The following ORC1 variants were observed in gnomAD, a reference collection of about 807,000 sequenced individuals.
The protein encoded by ORC1 is origin recognition complex subunit 1.
In ORC1, 61 loss-of-function variants were observed where a neutral mutation model predicts 98.9. The observed-to-expected ratio is 0.62, with a 90% CI of 0.50 to 0.76. ORC1 has a LOEUF of 0.76. Among genes scored for constraint, ORC1 ranks in the 30% least tolerant of loss-of-function variants. ORC1 has a pLI of 0.00. For synonymous variants in ORC1, 385 were observed against 406.9 expected (o/e 0.95, Z 0.65); for missense variants, 979 against 1,072.2 (o/e 0.91, Z 1.21).
intron 1 of ORC1, among the ~76,000 whole-genome samples, chr1:52,402,857 A>G (rs1340257679): frequency 6.6e-6 from 1 of 152,182 alleles, no homozygotes; most frequent in Non-Finnish European, 1.5e-5. Context: ...AGATCGCAAC[A>G]CTGCACTCTA....
chr1:52,392,279 A>G (rs1254004856), intron 6 of ORC1, among the ~76,000 whole-genome samples: 1 of 151,962 alleles, frequency 6.6e-6, no homozygotes. Flanking sequence ...ACAGGCGCCC[A>G]CCACCAAGCC....
At chr1:52,374,733 A>G in intron 16 of ORC1, 77 bp downstream of exon 16, 1 of 949,284 alleles carries the variant, frequency 1.1e-6, no homozygotes, top group Non-Finnish European at 1.7e-6. Context: ...AGAGTGTCAC[A>G]CATTCATGGA....
rs1361308491 is a variant in ORC1 at position 52,378,489 on chromosome 1, G to A, written c.2134-2890C>T. Among the ~76,000 whole-genome samples, 6 of 151,580 alleles carry A rather than the reference G, an allele frequency of 4.0e-5. 1 individual carries two copies. Among genetic ancestry groups the A allele is most frequent in the Middle Eastern group, 6.9e-3 (2 of 290 alleles). ...AGCCTGGACAACATGGTAAAACTCC[G>A]CCTCTACTAAAAATACAAAACTTAG... On this transcript the variant is annotated intron_variant, in intron 14 of 16. Coordinates refer to ENST00000371568, the MANE Select transcript of ORC1 (RefSeq NM_004153.4).
chr1:52,384,605 T>G lies in ORC1; in HGVS notation c.1700A>C (p.Glu567Ala), dbSNP rs1327458814. The G allele has an allele frequency of 6.2e-7, 1 of 1,614,136 alleles. No homozygotes were observed. The stretch of plus-strand genomic sequence containing the variant: ...CTCCGTCAGCTTCATGCCATTGACC[T>G]CAATGTATTGAAAGGGAGGAACATC... The part of the protein sequence containing the change: ...ANDVPPFQYI[E>A]VNGMKLTEPH... Residue 567 changes from glutamate to alanine, a missense_variant, in exon 11 of 17, where the codon GAG (glutamate) becomes GCG (alanine). Physicochemically the swap from Glu to Ala is moderately radical, Grantham distance 107. Coordinates refer to ENST00000371568, the MANE Select transcript of ORC1 (RefSeq NM_004153.4).
intron 1 of ORC1, among the ~76,000 whole-genome samples, chr1:52,403,711 G>T (rs1647843723): frequency 6.6e-6 from 1 of 152,136 alleles, no homozygotes; most frequent in African/African-American, 2.4e-5. Flanking sequence ...CTTCTCTTCT[G>T]AAAAGAAGGT....
At position 52,394,997 on chromosome 1, in the gene ORC1, G is replaced by A. The variant is rs376877177; in HGVS notation, c.721+1049C>T. ...ATATTACAGATTAGTTAATATTTGT[G>A]CTGCATTTTCTAAATGTTTTATACA... is the stretch of plus-strand genomic sequence containing the variant. On this transcript the variant is annotated intron_variant, in intron 5 of 16. Coordinates refer to ENST00000371568, the MANE Select transcript of ORC1 (RefSeq NM_004153.4). Among the ~76,000 whole-genome samples, 16 of 152,232 alleles carry A rather than the reference G, an allele frequency of 1.1e-4. No individual in the cohort carries two copies. The East Asian group carries it at 3.1e-3, about 29-fold the overall frequency.
chr1:52,403,993 C>T (rs1275929259), intron 1 of ORC1, among the ~76,000 whole-genome samples: 1 of 152,192 alleles, frequency 6.6e-6, no homozygotes, highest in East Asian at 1.9e-4. Flanking sequence ...AATGCTCCTG[C>T]TTCTAGGCTG....
At chr1:52,377,703 C>CAAAAAAAAAAAAAAA (rs58266239) in intron 14 of ORC1, among the ~76,000 whole-genome samples, 2 of 58,774 alleles carry the variant, frequency 3.4e-5, no homozygotes, top group African/African-American at 5.4e-5. Context: ...CCCCTAGAAG[C>CAAAAAAAAAAAAAAA]AAAAAAAAAA....
In ORC1 at chr1:52,373,317, G is replaced by A. The variant is rs533419157; in HGVS notation, c.2450C>T (p.Ser817Leu). Residue 817 changes from serine to leucine, a missense_variant, in exon 17 of 17, where the codon TCA (serine) becomes TTA (leucine). Transcript: ENST00000371568. ...RMEGLPYPTM[S>L]ETMAVCSHLG... is the part of the protein sequence containing the mutation. The stretch of plus-strand genomic sequence containing the variant: ...GTGAGAACACACGGCCATGGTCTCT[G>A]ACATGGTGGGGTACGGCAGTCCCTC... The A allele has an allele frequency of 6.2e-7, 1 of 1,614,152 alleles. No homozygotes were observed. Among genetic ancestry groups the A allele is most frequent in the Admixed American group, 1.7e-5 (1 of 60,028 alleles).
chr1:52,385,177 G>C lies in ORC1; in HGVS notation c.1567C>G (p.Leu523Val). The change falls in exon 10 of 17, where the codon CTT (leucine) becomes GTT (valine). Residue 523 changes from leucine to valine, a missense_variant. Leu to Val is a conservative substitution (Grantham distance 32). Coordinates refer to ENST00000371568, the MANE Select transcript of ORC1 (RefSeq NM_004153.4). Reference sequence around the variant, plus strand: ...ATGACTCACCCTCCGGTATGGTCAAGGAGTTTGCTTTCCACAAAATTGTAG... The same window carrying C: ...ATGACTCACCCTCCGGTATGGTCAACGAGTTTGCTTTCCACAAAATTGTAG... ...DIYNFVESKL[L>V]DHTGGCMYIS... 6.2e-7 allele frequency: 1 copy of C among 1,612,092 alleles called. No homozygotes were observed. Among genetic ancestry groups the C allele is most frequent in the Non-Finnish European group, 8.5e-7 (1 of 1,178,180 alleles).
Position 52,375,580 on chromosome 1 carries a change from T to C in ORC1, c.2153A>G (p.Asp718Gly). The change falls in exon 15 of 17, where the codon GAT becomes GGT. Residue 718 changes from aspartate to glycine, a missense_variant. Coordinates refer to ENST00000371568, the MANE Select transcript of ORC1 (RefSeq NM_004153.4). ...VARKVAALSG[D>G]ARRCLDICRR... ...GCAGATGTCCAGGCACCGTCGTGCA[T>C]CTCCAGACAGTGCTGCTACCTACAA... 1.2e-6 allele frequency: 2 copies of C among 1,613,984 alleles called. No individual in the cohort carries two copies. The highest frequency in any genetic ancestry group is 1.7e-6 in the Non-Finnish European group (2 of 1,180,026).
chr1:52,399,408 A>T (rs1305296470), intron 3 of ORC1, among the ~76,000 whole-genome samples: 1 of 151,724 alleles, frequency 6.6e-6, no homozygotes, highest in African/African-American at 2.4e-5. Context: ...GCGGATCATG[A>T]GGTCAGGAGC....
intron 6 of ORC1, among the ~76,000 whole-genome samples, chr1:52,389,860 TA>T (rs970890292): frequency 2.0e-5 from 3 of 152,050 alleles, no homozygotes; most frequent in African/African-American, 7.2e-5. Context: ...AGTCTCCAGT[TA>T]AAAAATGAGT....
Position 52,374,160 on chromosome 1 carries a change from T to C in ORC1, c.2391+650A>G, listed in dbSNP as rs74653281. 9.7e-3 allele frequency among the ~76,000 whole-genome samples: 1,481 copies of C among 152,328 alleles called. 35 individuals carry two copies. The highest frequency in any genetic ancestry group is 0.034 in the African/African-American group (1,432 of 41,570). On this transcript the variant is annotated intron_variant, in intron 16 of 16. Transcript: ENST00000371568. ...TGAAAGTCACTCTCTGCAGAAGAGC[T>C]ATCTCAGACTCTAGGAGGAGAACAG... is the stretch of plus-strand genomic sequence containing the variant.
At chr1:52,386,653 G>A (rs1015084933) in intron 8 of ORC1, among the ~76,000 whole-genome samples, 2 of 152,178 alleles carry the variant, frequency 1.3e-5, no homozygotes, top group Admixed American at 6.5e-5. Flanking sequence ...GAGGCAGAAA[G>A]CACTTAAACT....
chr1:52,404,688 T>C (rs1647917276), upstream of ORC1: 2 of 1,568,710 alleles, frequency 1.3e-6, no homozygotes, highest in Non-Finnish European at 1.7e-6. Flanking sequence ...TAGGTGCTTT[T>C]TCTGAACCTG....
At chr1:52,375,746 C>A in intron 14 of ORC1, 147 bp from the exon 15 acceptor site, 1 of 749,632 alleles carries the variant, frequency 1.3e-6, no homozygotes, top group South Asian at 1.5e-5. Context: ...TGAATTATTA[C>A]ATTGTGCATG....
At chr1:52,377,295 G>C (rs1405389861) in intron 14 of ORC1, among the ~76,000 whole-genome samples, 1 of 150,658 alleles carries the variant, frequency 6.6e-6, no homozygotes, top group Non-Finnish European at 1.5e-5. Flanking sequence ...TTTTGTTTGA[G>C]AGAGGGTCTT....
intron 6 of ORC1, among the ~76,000 whole-genome samples, chr1:52,391,391 T>C (rs1160492204): frequency 2.0e-5 from 3 of 150,774 alleles, no homozygotes; most frequent in African/African-American, 7.3e-5. Flanking sequence ...ATTCATGACT[T>C]AGAACCCCAA....
Sources: allele counts gnomAD v4.1 joint callset (sites outside exome capture counted in the v4.1 genomes callset), GRCh38; gene constraint gnomAD v4.1.1; transcripts MANE v1.5; gene names NCBI Gene and HGNC (gene_info 2026-07-23, HGNC 2026-07-21).